Variants in PRAMEF18 observed in about 807,000 individuals in gnomAD.
The protein encoded by PRAMEF18 is PRAME family member 18.
In PRAMEF18, 15 loss-of-function variants were observed where a neutral mutation model predicts 23.7. The ratio of observed to expected loss-of-function variants is 0.63; its 90% confidence interval spans 0.42 to 0.97. The LOEUF (loss-of-function observed/expected upper bound fraction) is 0.97. Ranked by LOEUF, PRAMEF18 falls within the 50% of genes least tolerant of loss-of-function variation. The pLI, the probability that PRAMEF18 is intolerant of heterozygous loss-of-function variation, is 0.00. For synonymous variants in PRAMEF18, 78 were observed against 159.9 expected, an observed-to-expected ratio of 0.49 and a Z score of 3.86; for missense variants, 223 against 418.6, an observed-to-expected ratio of 0.53 and a Z score of 4.08.
chr1:13,225,117 C>G (rs1230532583), exon 2 of PRAMEF18: 9 of 1,612,486 alleles, frequency 5.6e-6, no homozygotes, highest in Non-Finnish European at 6.8e-6. Context: ...TCTGGGTATA[C>G]TGTTTCCAAT....
In PRAMEF18 at chr1:13,224,916, G is replaced by A. The variant is rs1169586323; in HGVS notation, c.805C>T (p.Leu269Phe). Reference sequence around the variant, plus strand: ...ACCCTTCTTACATAAAGCATCTGGAGGTTCTCCAGCCTGAGGAGCACAGAG... The same window carrying A: ...ACCCTTCTTACATAAAGCATCTGGAAGTTCTCCAGCCTGAGGAGCACAGAG... Residue 269 changes from leucine to phenylalanine, a missense_variant, in exon 2 of 3, where the codon CTC becomes TTC. Around this residue, in one of 6 missense-constraint regions of PRAMEF18, gnomAD observed 160 missense variants for 130.8 expected, o/e 1.22. Coordinates refer to ENST00000624297, the Ensembl canonical transcript of PRAMEF18. 2.7e-5 allele frequency: 43 copies of A among 1,614,086 alleles called. No homozygotes were observed. In the Admixed American group the frequency reaches 7.2e-4, roughly 27 times the overall value.
chr1:13,225,128 A>G, exon 2 of PRAMEF18: 2 of 1,613,536 alleles, frequency 1.2e-6, no homozygotes, highest in Middle Eastern at 1.8e-4. Context: ...TGTTTCCAAT[A>G]TGTTTCTGAA....
At chr1:13,224,834 A>G in intron 2 of PRAMEF18, 21 bp downstream of exon 2, 1 of 1,613,808 alleles carries the variant, frequency 6.2e-7, no homozygotes. Flanking sequence ...CCCCCAGAGA[A>G]AGCTCACCAT....
chr1:13,225,028 C>T (rs1484230227), exon 2 of PRAMEF18: 1 of 1,614,066 alleles, frequency 6.2e-7, no homozygotes, highest in Non-Finnish European at 8.5e-7. Context: ...GAAGATTCCT[C>T]ATCTGGCTCA....
At chr1:13,225,260 C>G in exon 2 of PRAMEF18, 1 of 1,612,190 alleles carries the variant, frequency 6.2e-7, no homozygotes. Context: ...TTCCTTGAGG[C>G]AAACATCCAT....
intron 2 of PRAMEF18, 44 bp downstream of exon 2, chr1:13,224,811 G>A: frequency 4.3e-6 from 7 of 1,613,020 alleles, no homozygotes; most frequent in Middle Eastern, 1.8e-4. Context: ...AACAAAAAAA[G>A]GCTGTGCTAT....
exon 2 of PRAMEF18, chr1:13,225,078 T>C (rs1638825204): frequency 6.2e-7 from 1 of 1,614,120 alleles, no homozygotes; most frequent in East Asian, 2.2e-5. Context: ...AGCCAGCACA[T>C]GTTCCAAATT....
At chr1:13,225,470 C>G in intron 1 of PRAMEF18, 37 bp from the exon 2 acceptor site, 1 of 1,594,260 alleles carries the variant, frequency 6.3e-7, no homozygotes, top group Admixed American at 1.7e-5. Context: ...AGAACGTAGA[C>G]AAGGACCCAC....
exon 2 of PRAMEF18, chr1:13,224,875 G>A (rs1377080034): frequency 1.9e-6 from 3 of 1,613,904 alleles, no homozygotes; most frequent in Non-Finnish European, 2.5e-6. Context: ...GGTCCAGGTG[G>A]CCTCTGAAGA....
chr1:13,225,533 A>T (rs1251984622), intron 1 of PRAMEF18, 100 bp from the exon 2 acceptor site: 1 of 1,350,690 alleles, frequency 7.4e-7, no homozygotes, highest in Non-Finnish European at 1.0e-6. Context: ...TTTTTTCCTC[A>T]GCGCCCCTCC....
At chr1:13,225,059 A>G (rs543813327) in exon 2 of PRAMEF18, 170 of 1,614,136 alleles carry the variant, frequency 1.1e-4, no homozygotes, top group South Asian at 8.7e-4. Flanking sequence ...AAACTCTACT[A>G]TCATACACAG....
At chr1:13,224,946 A>G (rs1200607392) in exon 2 of PRAMEF18, 30 of 1,613,982 alleles carry the variant, frequency 1.9e-5, no homozygotes, top group African/African-American at 2.7e-5. Context: ...ACAGAGCTGA[A>G]TTCAGCAACT....
exon 3 of PRAMEF18, chr1:13,222,773 AT>A (rs1638780513): frequency 1.1e-5 from 1 of 91,894 alleles, no homozygotes; most frequent in African/African-American, 3.5e-5. Flanking sequence ...TCTTTTTTTA[AT>A]TCATCAGGAA....
At chr1:13,224,967 G>C in exon 2 of PRAMEF18, 2 of 1,614,146 alleles carry the variant, frequency 1.2e-6, no homozygotes, top group Non-Finnish European at 1.7e-6. Flanking sequence ...AACTGTTCTT[G>C]GCTGTCAGAG....
At chr1:13,225,684 G>A (rs1638839845) in intron 1 of PRAMEF18, 136 bp downstream of exon 1, 1 of 1,516,800 alleles carries the variant, frequency 6.6e-7, no homozygotes, top group Non-Finnish European at 9.0e-7. Flanking sequence ...CAGAGGAGCT[G>A]GGCAATAGCC....
At chr1:13,224,972 T>A in exon 2 of PRAMEF18, 2 of 1,614,136 alleles carry the variant, frequency 1.2e-6, no homozygotes, top group Non-Finnish European at 8.5e-7. Flanking sequence ...TTCTTGGCTG[T>A]CAGAGCTTAG....
At chr1:13,225,061 C>G (rs1312341836) in exon 2 of PRAMEF18, 1 of 1,614,176 alleles carries the variant, frequency 6.2e-7, no homozygotes, top group East Asian at 2.2e-5. Flanking sequence ...ACTCTACTAT[C>G]ATACACAGCC....
rs1638848052 is a variant in PRAMEF18 at position 13,226,059 on chromosome 1, G to A, written c.48C>T (p.Ser16=). 7 of 1,613,114 alleles carry A rather than the reference G, an allele frequency of 4.3e-6. No homozygotes were observed. The African/African-American group carries it at 8.0e-5, about 18-fold the overall frequency. Residue 16 remains serine (S), a synonymous_variant, in exon 1 of 3, where the codon AGC becomes AGT. Transcript: ENST00000624297. ...TGGCCAAGGCCTGGTCCCTCAGCAG[G>A]CTCTGCCCTGCCAGCTCCAGGAGTC...
At chr1:13,225,226 G>T in exon 2 of PRAMEF18, 1 of 1,612,210 alleles carries the variant, frequency 6.2e-7, no homozygotes, top group Non-Finnish European at 8.5e-7. Flanking sequence ...CAGAGAAGAA[G>T]CTCAGATCTT....
Sources: gnomAD v4.1 joint callset for allele counts on GRCh38, gnomAD v4.1.1 for gene constraint, gnomAD v4.1.1 regional missense constraint, MANE v1.5 for transcripts, NCBI Gene and HGNC (gene_info 2026-07-23, HGNC 2026-07-21) for gene names.